The following ACADSB variants were observed in gnomAD, a reference collection of about 807,000 sequenced individuals.
ACADSB encodes short/branched chain specific acyl-CoA dehydrogenase, mitochondrial.
ACADSB carries 40 observed loss-of-function variants against 54.1 expected under a neutral mutation model. The observed-to-expected ratio is 0.74, with a 90% confidence interval of 0.57 to 0.96. The LOEUF (loss-of-function observed/expected upper bound fraction) is 0.96. ACADSB is among the 40% of genes least tolerant of loss of function. The probability of loss-of-function intolerance (pLI) is 0.00; values close to 1 mark genes in which losing one functional copy is unlikely to be tolerated. For missense variants in ACADSB, 530 were observed against 510.4 expected (o/e 1.04, Z -0.37); for synonymous variants, 182 against 182.8 (o/e 1.00, Z 0.03).
chr10:123,051,114 T>C lies in ACADSB; in HGVS notation c.1056T>C (p.Asn352=), dbSNP rs1461424837. Residue 352 remains asparagine (N), a synonymous_variant, in exon 9 of 11, where the codon AAT becomes AAC. Transcript: ENST00000358776. ...QLEAARLLTY[N]AARLLEAGKP... is the part of the protein sequence containing the mutation. ...AAGCTGCAAGATTACTAACATACAATGCTGCTAGGCTTTTAGAAGCTGGAA... is the reference window on the plus strand; with the variant it reads ...AAGCTGCAAGATTACTAACATACAACGCTGCTAGGCTTTTAGAAGCTGGAA... The C allele has an allele frequency of 8.8e-6, 14 of 1,597,014 alleles. No individual in the cohort carries two copies. Among genetic ancestry groups the C allele is most frequent in the African/African-American group, 2.8e-5 (2 of 70,592 alleles).
At chr10:123,032,147 T>C (rs1850335825) in intron 1 of ACADSB, among the ~76,000 whole-genome samples, 1 of 151,958 alleles carries the variant, frequency 6.6e-6, no homozygotes, top group South Asian at 2.1e-4. Context: ...ACCTAGCTAA[T>C]TTTTGTAGTT....
Position 123,041,236 on chromosome 10 carries a change from G to T in ACADSB, c.538G>T (p.Gly180Ter). ...AGGAAGTTTCTGCCTTTCAGAGGCT[G>T]GAGCAGGTAGTGACTCATTTGCTTT... Reference protein sequence around the residue: ...KVGSFCLSEAGAGSDSFALKT... With the variant: ...KVGSFCLSEA The change falls in exon 5 of 11, where the codon GGA (glycine) becomes TGA (stop). Residue 180 changes from glycine to a stop codon, truncating the protein, a stop_gained. Transcript: ENST00000358776. LOFTEE classifies it high-confidence loss of function. 2 of 1,614,126 alleles carry T rather than the reference G, an allele frequency of 1.2e-6. No homozygotes were observed. The highest frequency in any genetic ancestry group is 1.1e-5 in the South Asian group (1 of 91,086).
intron 4 of ACADSB, 30 bp downstream of exon 4, chr10:123,040,702 G>A (rs1293738793): frequency 1.3e-6 from 2 of 1,578,354 alleles, no homozygotes; most frequent in African/African-American, 2.7e-5. Context: ...TGATCTAATG[G>A]ATCTAATCTT....
intron 1 of ACADSB, among the ~76,000 whole-genome samples, chr10:123,021,883 C>A (rs761188577): frequency 1.8e-4 from 28 of 152,066 alleles, no homozygotes; most frequent in Non-Finnish European, 3.1e-4. Context: ...TCCTTGGTGA[C>A]TTTTCTGTTT....
intron 1 of ACADSB, among the ~76,000 whole-genome samples, chr10:123,016,479 A>G (rs1237328938): frequency 6.6e-6 from 1 of 152,266 alleles, no homozygotes; most frequent in African/African-American, 2.4e-5. Flanking sequence ...CTACTGTTAC[A>G]GGCGCATACT....
intron 7 of ACADSB, 58 bp from the exon 8 acceptor site, chr10:123,047,151 G>GT: frequency 7.3e-7 from 1 of 1,364,506 alleles, no homozygotes; most frequent in African/African-American, 1.4e-5. Flanking sequence ...TTCACAACTT[G>GT]GATAATTAAA....
chr10:123,012,912 C>G (rs1428022478), intron 1 of ACADSB, among the ~76,000 whole-genome samples: 1 of 152,184 alleles, frequency 6.6e-6, no homozygotes, highest in East Asian at 1.9e-4. Context: ...TCTGTTTTGA[C>G]AGGGTGCTGA....
chr10:123,011,677 C>T (rs1249754211), intron 1 of ACADSB, among the ~76,000 whole-genome samples: 1 of 151,964 alleles, frequency 6.6e-6, no homozygotes, highest in East Asian at 1.9e-4. Flanking sequence ...CAGGCGCCTG[C>T]CACCTTGCCT....
chr10:123,021,070 T>G (rs1191529012), intron 1 of ACADSB, among the ~76,000 whole-genome samples: 1 of 152,218 alleles, frequency 6.6e-6, no homozygotes, highest in Non-Finnish European at 1.5e-5. Context: ...TCCTGTCTTC[T>G]TCTTCTATTT....
intron 1 of ACADSB, among the ~76,000 whole-genome samples, chr10:123,028,165 G>A (rs1850279546): frequency 6.6e-6 from 1 of 152,104 alleles, no homozygotes; most frequent in African/African-American, 2.4e-5. Context: ...GATTGGCCTG[G>A]GGAGGCTACA....
rs76536312 is a variant in ACADSB at position 123,020,572 on chromosome 10, T to C, written c.42+11501T>C. On this transcript the variant is annotated intron_variant, in intron 1 of 10. Transcript: ENST00000358776. ...ACATTTGTGTGCAGATCTTTGAACT[T>C]CTGTTGTTACTTCTCTTGAATAAAT... 6.5e-3 allele frequency among the ~76,000 whole-genome samples: 994 copies of C among 152,262 alleles called. 8 individuals are homozygous for C. Among genetic ancestry groups the C allele is most frequent in the African/African-American group, 0.023 (937 of 41,554 alleles).
At chr10:123,033,224 G>A (rs902896054) in intron 1 of ACADSB, among the ~76,000 whole-genome samples, 2 of 152,134 alleles carry the variant, frequency 1.3e-5, no homozygotes, top group Non-Finnish European at 2.9e-5. Flanking sequence ...AAATTGAGAC[G>A]CATACCACTT....
At chr10:123,024,963 A>C (rs1449747785) in intron 1 of ACADSB, among the ~76,000 whole-genome samples, 2 of 152,130 alleles carry the variant, frequency 1.3e-5, no homozygotes, top group Non-Finnish European at 1.5e-5. Flanking sequence ...TCCAGACCCT[A>C]TTTCCTGCCT....
At chr10:123,044,253 G>A (rs112724569) in intron 6 of ACADSB, 140 bp from the exon 7 acceptor site, 57 of 716,760 alleles carry the variant, frequency 8.0e-5, no homozygotes, top group African/African-American at 1.2e-4. Context: ...GAAAAACAGC[G>A]TAGAGGGAGA....
intron 1 of ACADSB, among the ~76,000 whole-genome samples, chr10:123,033,059 C>T (rs779681941): frequency 1.3e-5 from 2 of 152,200 alleles, no homozygotes; most frequent in African/African-American, 2.4e-5. Context: ...CTGTCCATCT[C>T]ATCAAGGAGA....
chr10:123,033,075 C>T (rs962161463), intron 1 of ACADSB, among the ~76,000 whole-genome samples: 1 of 152,170 alleles, frequency 6.6e-6, no homozygotes, highest in African/African-American at 2.4e-5. Context: ...GGAGAAAATA[C>T]CTTATGTCCC....
At chr10:123,012,984 T>A (rs1850057882) in intron 1 of ACADSB, among the ~76,000 whole-genome samples, 1 of 152,156 alleles carries the variant, frequency 6.6e-6, no homozygotes, top group Non-Finnish European at 1.5e-5. Context: ...CTAGATTAGC[T>A]AGATACAGAG....
chr10:123,010,618 A>G (rs1453629396), intron 1 of ACADSB, among the ~76,000 whole-genome samples: 2 of 152,100 alleles, frequency 1.3e-5, no homozygotes, highest in Non-Finnish European at 2.9e-5. Flanking sequence ...TGGTCTGTAA[A>G]TGGAGAGAAT....
At chr10:123,012,842 AT>A (rs1300387675) in intron 1 of ACADSB, among the ~76,000 whole-genome samples, 1 of 152,152 alleles carries the variant, frequency 6.6e-6, no homozygotes, top group Non-Finnish European at 1.5e-5. Context: ...ACCCGATTGG[AT>A]TGCCACTGCT....
Sources: allele counts gnomAD v4.1 joint callset (sites outside exome capture counted in the v4.1 genomes callset), GRCh38; gene constraint gnomAD v4.1.1; transcripts MANE v1.5; gene names NCBI Gene and HGNC (gene_info 2026-07-23, HGNC 2026-07-21).